The following BCHE variants were observed in gnomAD, a reference collection of about 807,000 sequenced individuals.
The protein encoded by BCHE is butyrylcholinesterase, also known as cholinesterase.
Under a neutral mutation model 51.3 loss-of-function variants are expected in BCHE, and 48 were observed. The observed-to-expected ratio is 0.94, with a 90% CI of 0.74 to 1.19. The LOEUF (loss-of-function observed/expected upper bound fraction) is 1.19. Among genes scored for constraint, BCHE ranks in the 50% most tolerant of loss-of-function variants. The pLI, the probability that BCHE is intolerant of heterozygous loss-of-function variation, is 0.00. For missense variants in BCHE, 847 were observed against 708.2 expected, an observed-to-expected ratio of 1.20 and a Z score of -2.23; for synonymous variants, 251 against 238.0, an observed-to-expected ratio of 1.05 and a Z score of -0.50.
chr3:165,835,233 T>C (rs1177762539), intron 1 of BCHE, among the ~76,000 whole-genome samples: 2 of 151,934 alleles, frequency 1.3e-5, no homozygotes, highest in Admixed American at 1.3e-4. Flanking sequence ...GAAAGTACTA[T>C]TAATATTCCC....
chr3:165,785,931 T>TAAC (rs1712928948), intron 3 of BCHE, among the ~76,000 whole-genome samples: 1 of 151,786 alleles, frequency 6.6e-6, no homozygotes, highest in Non-Finnish European at 1.5e-5. Context: ...TTTCTTTATT[T>TAAC]AACTACTAAA....
At chr3:165,802,943 GT>G (rs1222340789) in intron 2 of BCHE, among the ~76,000 whole-genome samples, 1 of 151,866 alleles carries the variant, frequency 6.6e-6, no homozygotes, top group African/African-American at 2.4e-5. Context: ...GGGTTTCACC[GT>G]TTTAGCCTGG....
intron 3 of BCHE, among the ~76,000 whole-genome samples, chr3:165,783,533 A>G (rs530851744): frequency 6.6e-6 from 1 of 152,218 alleles, no homozygotes; most frequent in South Asian, 2.1e-4. Context: ...AGCAAATAGT[A>G]GTAAATGATT....
At chr3:165,823,335 C>G (rs1309897933) in intron 2 of BCHE, among the ~76,000 whole-genome samples, 2 of 151,730 alleles carry the variant, frequency 1.3e-5, no homozygotes, top group Non-Finnish European at 2.9e-5. Context: ...GTTAAGATGC[C>G]CTTAAAATAC....
intron 3 of BCHE, among the ~76,000 whole-genome samples, chr3:165,785,583 G>T (rs768294426): frequency 6.6e-6 from 1 of 151,484 alleles, no homozygotes; most frequent in African/African-American, 2.4e-5. Context: ...TTTATAATAT[G>T]TAATATTATA....
intron 2 of BCHE, among the ~76,000 whole-genome samples, chr3:165,809,842 C>T (rs1714023076): frequency 6.6e-6 from 1 of 152,046 alleles, no homozygotes; most frequent in Non-Finnish European, 1.5e-5. Context: ...ATGTCTAGTA[C>T]ATCATTGTCT....
chr3:165,782,089 C>A (rs1400454381), intron 3 of BCHE, among the ~76,000 whole-genome samples: 7 of 151,962 alleles, frequency 4.6e-5, no homozygotes, highest in Admixed American at 3.9e-4. Flanking sequence ...AGGTTAGAGG[C>A]TCTCTACATA....
At chr3:165,795,061 T>C (rs1713316635) in intron 2 of BCHE, among the ~76,000 whole-genome samples, 1 of 152,146 alleles carries the variant, frequency 6.6e-6, no homozygotes, top group Non-Finnish European at 1.5e-5. Flanking sequence ...ACTTTGGATG[T>C]ATCTTGGATC....
intron 3 of BCHE, among the ~76,000 whole-genome samples, chr3:165,779,989 T>C (rs1399065748): frequency 6.6e-6 from 1 of 152,192 alleles, no homozygotes; most frequent in East Asian, 1.9e-4. Flanking sequence ...GCTGTAGGTA[T>C]CATGCTACCT....
At chr3:165,801,513 T>C (rs1713645098) in intron 2 of BCHE, among the ~76,000 whole-genome samples, 1 of 152,082 alleles carries the variant, frequency 6.6e-6, no homozygotes, top group African/African-American at 2.4e-5. Flanking sequence ...AAATACATCA[T>C]TATGAAATAT....
At chr3:165,828,742 CTACTT>C (rs1390080375) in intron 2 of BCHE, among the ~76,000 whole-genome samples, 4 of 151,794 alleles carry the variant, frequency 2.6e-5, no homozygotes, top group African/African-American at 4.8e-5. Context: ...GAAAAAAAAA[CTACTT>C]TATTTTCTAT....
Position 165,830,013 on chromosome 3 carries a change from TAA to T in BCHE, c.1019_1020del (p.Phe340Ter). ...ACACCCACCAAAATCTGGGTTTTTT[TAA>T]ATTGTCCAAGTTCAAGTAATATGTC... ...MPDILLELGQ[F>X]KKTQILVGVN... On this transcript the variant is annotated frameshift_variant, in exon 2 of 4. Transcript: ENST00000264381. LOFTEE classifies it high-confidence loss of function. 1 of 1,613,856 alleles carries T rather than the reference TAA, an allele frequency of 6.2e-7. No homozygotes were observed. Among genetic ancestry groups the T allele is most frequent in the Non-Finnish European group, 8.5e-7 (1 of 1,179,910 alleles).
Position 165,804,894 on chromosome 3 carries a change from G to A in BCHE, c.1518-18583C>T, listed in dbSNP as rs567242034. Among the ~76,000 whole-genome samples, 15 of 152,240 alleles carry A rather than the reference G, an allele frequency of 9.9e-5. No individual in the cohort carries two copies. The South Asian group carries it at 2.7e-3, about 27-fold the overall frequency. ...CAATCACATATTTAAACATAAACAA[G>A]GTTGTGATTCTTGCAGGTGAGAAAG... On this transcript the variant is annotated intron_variant, in intron 2 of 3. Coordinates refer to ENST00000264381, the MANE Select transcript of BCHE (RefSeq NM_000055.4).
chr3:165,828,021 C>T, intron 2 of BCHE: 1 of 455,604 alleles, frequency 2.2e-6, no homozygotes, highest in Non-Finnish European at 4.4e-6. Flanking sequence ...AAATCAAAAC[C>T]ACAGGTTCTG....
chr3:165,796,083 C>A (rs1713364334), intron 2 of BCHE, among the ~76,000 whole-genome samples: 1 of 152,014 alleles, frequency 6.6e-6, no homozygotes. Context: ...TTATTTTCAT[C>A]CAGCACTAAT....
intron 3 of BCHE, among the ~76,000 whole-genome samples, chr3:165,780,855 ATGCCT>A (rs1712669348): frequency 3.9e-5 from 6 of 152,186 alleles, no homozygotes; most frequent in Non-Finnish European, 8.8e-5. Context: ...CAGTGTGGCA[ATGCCT>A]CAAGGATCTG....
At chr3:165,802,851 C>T (rs1713718717) in intron 2 of BCHE, among the ~76,000 whole-genome samples, 4 of 152,102 alleles carry the variant, frequency 2.6e-5, no homozygotes, top group African/African-American at 7.2e-5. Flanking sequence ...ACGCCATTCT[C>T]CTGTCTCACC....
intron 2 of BCHE, among the ~76,000 whole-genome samples, chr3:165,811,626 TC>T (rs1714099846): frequency 6.6e-6 from 1 of 152,044 alleles, no homozygotes; most frequent in Admixed American, 6.6e-5. Flanking sequence ...AATTCTGTTC[TC>T]AGTATTACAT....
At chr3:165,813,412 C>T (rs1002078856) in intron 2 of BCHE, among the ~76,000 whole-genome samples, 5 of 151,426 alleles carry the variant, frequency 3.3e-5, no homozygotes, top group Non-Finnish European at 5.9e-5. Context: ...TTATTCTTTT[C>T]CATTTGTAGA....
Sources: gnomAD v4.1 joint callset for allele counts (sites outside exome capture counted in the v4.1 genomes callset) on GRCh38, gnomAD v4.1.1 for gene constraint, MANE v1.5 for transcripts, NCBI Gene and HGNC (gene_info 2026-07-23, HGNC 2026-07-21) for gene names.